Variants in CHSY3 observed in about 807,000 individuals in gnomAD.
CHSY3 encodes chondroitin sulfate synthase 3, also known as N-acetylgalactosaminyl-proteoglycan 3-beta-glucuronosyltransferase 3.
A neutral mutation model predicts 67.2 loss-of-function variants in CHSY3; 35 were observed. The observed-to-expected ratio is 0.52, with a 90% CI of 0.40 to 0.69. The LOEUF (loss-of-function observed/expected upper bound fraction) is 0.69, where lower values mean the gene tolerates loss of function less well. Ranked by LOEUF, CHSY3 falls within the 30% of genes least tolerant of loss-of-function variation. The pLI is 0.00. For synonymous variants in CHSY3, 474 were observed against 434.7 expected (o/e 1.09, Z -1.12); for missense variants, 1,069 against 1,138.5 (o/e 0.94, Z 0.88).
At chr5:130,136,779 G>T (rs1768678543) in intron 2 of CHSY3, among the ~76,000 whole-genome samples, 1 of 152,062 alleles carries the variant, frequency 6.6e-6, no homozygotes, top group East Asian at 1.9e-4. Flanking sequence ...TTATGCACCA[G>T]TATTCCTGGT....
chr5:129,992,144 C>A (rs947934272), intron 2 of CHSY3, among the ~76,000 whole-genome samples: 7 of 152,184 alleles, frequency 4.6e-5, no homozygotes, highest in Non-Finnish European at 7.3e-5. Flanking sequence ...CCCTGTAAGG[C>A]AGCTTGCTGA....
chr5:129,953,142 C>A (rs1346781320), intron 2 of CHSY3, among the ~76,000 whole-genome samples: 1 of 152,082 alleles, frequency 6.6e-6, no homozygotes, highest in Non-Finnish European at 1.5e-5. Flanking sequence ...CCCCCTACCC[C>A]CAACAGGTCC....
At chr5:130,087,080 T>G (rs1766662895) in intron 2 of CHSY3, among the ~76,000 whole-genome samples, 1 of 152,078 alleles carries the variant, frequency 6.6e-6, no homozygotes, top group Non-Finnish European at 1.5e-5. Flanking sequence ...AATCAATAAA[T>G]GTAATCCAGC....
chr5:130,104,985 G>T (rs1767370406), intron 2 of CHSY3, among the ~76,000 whole-genome samples: 1 of 151,552 alleles, frequency 6.6e-6, no homozygotes, highest in Non-Finnish European at 1.5e-5. Flanking sequence ...TAGGGTTTGG[G>T]TTAGACTGAT....
At chr5:130,139,821 A>C (rs1447994880) in intron 2 of CHSY3, among the ~76,000 whole-genome samples, 2 of 152,212 alleles carry the variant, frequency 1.3e-5, no homozygotes, top group African/African-American at 4.8e-5. Flanking sequence ...TTAGCCAATT[A>C]TTTTGTTAAC....
chr5:130,178,253 A>ATAT lies in CHSY3; in HGVS notation c.1087-5975_1087-5974insATT, dbSNP rs1205782386. On this transcript the variant is annotated intron_variant, in intron 2 of 2. Transcript: ENST00000305031. Reference sequence around the variant, plus strand: ...TATATATATATATATATATATATATATTTTTTTTTTTTTTTTTCCTGAGAC... The same window carrying ATAT: ...TATATATATATATATATATATATATATATTTTTTTTTTTTTTTTTTCCTGAGAC... Among the ~76,000 whole-genome samples the ATAT allele has an allele frequency of 6.6e-3, 303 of 45,912 alleles. 5 individuals are homozygous for ATAT. The highest frequency in any genetic ancestry group is 0.015 in the African/African-American group (145 of 9,860). 30.1% of individuals were successfully genotyped at this position (45,912 alleles called of 152,430 possible). A position where few individuals can be genotyped will look rare whatever the true frequency, so the allele number is the denominator to read the frequency against.
chr5:130,145,421 C>T (rs1005543290), intron 2 of CHSY3, among the ~76,000 whole-genome samples: 4 of 152,124 alleles, frequency 2.6e-5, no homozygotes, highest in Admixed American at 1.3e-4. Flanking sequence ...ACACCACTAC[C>T]TCTCACCATA....
rs149352766 is a variant in CHSY3 at position 129,909,144 on chromosome 5, G to A, written c.1086+784G>A. ...CTTAGAGATTTTTTCTTCAGAAATT[G>A]ATTTTGAAATGTAATAACATTTTAT... On this transcript the variant is annotated intron_variant, in intron 2 of 2. Coordinates refer to ENST00000305031, the MANE Select transcript of CHSY3 (RefSeq NM_175856.5). Among the ~76,000 whole-genome samples, 286 of 152,110 alleles carry A rather than the reference G, an allele frequency of 1.9e-3. 1 individual carries two copies. The highest frequency in any genetic ancestry group is 6.6e-3 in the African/African-American group (274 of 41,534).
At chr5:129,983,349 A>AT (rs1397427508) in intron 2 of CHSY3, among the ~76,000 whole-genome samples, 1 of 151,876 alleles carries the variant, frequency 6.6e-6, no homozygotes, top group Non-Finnish European at 1.5e-5. Flanking sequence ...GGTCAACATA[A>AT]TTTTTTTCAT....
intron 2 of CHSY3, among the ~76,000 whole-genome samples, chr5:130,077,250 T>C (rs1436975835): frequency 2.6e-5 from 4 of 152,154 alleles, no homozygotes; most frequent in Non-Finnish European, 5.9e-5. Flanking sequence ...TTTAAAGTTC[T>C]ACCCACTCCC....
chr5:130,053,094 T>A (rs1463525107), intron 2 of CHSY3, among the ~76,000 whole-genome samples: 2 of 152,146 alleles, frequency 1.3e-5, no homozygotes, highest in African/African-American at 2.4e-5. Context: ...CATGGCTCAA[T>A]AATTTATGTA....
chr5:130,133,066 G>A (rs181153125), intron 2 of CHSY3, among the ~76,000 whole-genome samples: 1 of 152,220 alleles, frequency 6.6e-6, no homozygotes, highest in Admixed American at 6.5e-5. Context: ...ATGCCTCGTT[G>A]GAAATCTGTG....
chr5:129,975,287 T>C (rs974928130), intron 2 of CHSY3, among the ~76,000 whole-genome samples: 1 of 152,180 alleles, frequency 6.6e-6, no homozygotes, highest in Non-Finnish European at 1.5e-5. Flanking sequence ...GATACAATTA[T>C]AGTAGCATCT....
chr5:129,980,343 G>A (rs188861549), intron 2 of CHSY3, among the ~76,000 whole-genome samples: 7 of 152,218 alleles, frequency 4.6e-5, no homozygotes, highest in East Asian at 1.9e-4. Flanking sequence ...AATGTGGAGC[G>A]TATTTTCACA....
At chr5:129,953,380 T>A (rs1361528718) in intron 2 of CHSY3, among the ~76,000 whole-genome samples, 2 of 152,180 alleles carry the variant, frequency 1.3e-5, no homozygotes, top group Non-Finnish European at 2.9e-5. Context: ...AGTCTAACAT[T>A]GATAGGCATT....
intron 2 of CHSY3, among the ~76,000 whole-genome samples, chr5:130,168,221 C>T (rs1259666238): frequency 6.6e-6 from 1 of 152,096 alleles, no homozygotes; most frequent in African/African-American, 2.4e-5. Flanking sequence ...TGCTGTCATT[C>T]TCATTTACTG....
chr5:129,945,525 A>C (rs1457242949), intron 2 of CHSY3, among the ~76,000 whole-genome samples: 1 of 152,202 alleles, frequency 6.6e-6, no homozygotes, highest in African/African-American at 2.4e-5. Context: ...TTATATATCA[A>C]GTCCCTGAGG....
At chr5:130,143,836 A>ATATATG (rs1768990317) in intron 2 of CHSY3, among the ~76,000 whole-genome samples, 1 of 134,326 alleles carries the variant, frequency 7.4e-6, no homozygotes, top group Non-Finnish European at 1.6e-5. Flanking sequence ...ATATATATAT[A>ATATATG]TATATATATA....
intron 2 of CHSY3, among the ~76,000 whole-genome samples, chr5:130,080,188 A>G (rs192953303): frequency 6.9e-4 from 105 of 152,116 alleles, no homozygotes; most frequent in Non-Finnish European, 1.3e-3. Flanking sequence ...TCTATACTAT[A>G]CTATATAATA....
Sources: gnomAD v4.1 joint callset for allele counts (sites outside exome capture counted in the v4.1 genomes callset) on GRCh38, gnomAD v4.1.1 for gene constraint, MANE v1.5 for transcripts, NCBI Gene and HGNC (gene_info 2026-07-23, HGNC 2026-07-21) for gene names.